Variants in KHDRBS2 observed in about 807,000 individuals in gnomAD.
KHDRBS2 encodes the protein KH domain-containing, RNA-binding, signal transduction-associated protein 2.
Under a neutral mutation model 44.3 loss-of-function variants are expected in KHDRBS2, and 26 were observed. That is an observed-to-expected ratio of 0.59 (90% confidence interval 0.43 to 0.81). The LOEUF is 0.81. Among genes scored for constraint, KHDRBS2 ranks in the 40% least tolerant of loss-of-function variants. KHDRBS2 has a pLI of 0.00. For missense variants in KHDRBS2, 476 were observed against 433.1 expected (o/e 1.10, Z -0.88); for synonymous variants, 194 against 151.1 (o/e 1.28, Z -2.08).
intron 1 of KHDRBS2, among the ~76,000 whole-genome samples, chr6:62,184,528 TG>T (rs1404620610): frequency 6.6e-6 from 1 of 151,688 alleles, no homozygotes; most frequent in African/African-American, 2.4e-5. Flanking sequence ...ATGTAAAAAT[TG>T]AGGAGTCCTT....
At chr6:61,586,096 C>G in the KHDRBS2 span, among the ~76,000 whole-genome samples, 1 of 152,164 alleles carries the variant, frequency 6.6e-6, no homozygotes, top group Non-Finnish European at 1.5e-5. Context: ...ACTTCTAAAT[C>G]AAGCCTTGCC....
chr6:61,565,245 C>T, the KHDRBS2 span, among the ~76,000 whole-genome samples: 6 of 152,032 alleles, frequency 3.9e-5, no homozygotes, highest in African/African-American at 1.4e-4. Flanking sequence ...ATGCTTAGGA[C>T]ATTGATGTGG....
At chr6:61,578,898 C>T in the KHDRBS2 span, among the ~76,000 whole-genome samples, 5 of 152,226 alleles carry the variant, frequency 3.3e-5, no homozygotes, top group East Asian at 7.7e-4. Flanking sequence ...ATATCTTATA[C>T]TTTCCATGGG....
At chr6:61,941,314 A>G (rs948143668) in intron 4 of KHDRBS2, among the ~76,000 whole-genome samples, 1 of 152,176 alleles carries the variant, frequency 6.6e-6, no homozygotes, top group Admixed American at 6.5e-5. Flanking sequence ...CACAGCACTC[A>G]GAATTCAGAG....
Position 62,261,635 on chromosome 6 carries a change from T to C in KHDRBS2, c.91+24223A>G, listed in dbSNP as rs368625080. ...CTACAGAAGGAAGAAGTAATGTCTT[T>C]TGTTACCATTTTAGGTAAATCAAAT... On this transcript the variant is annotated intron_variant, in intron 1 of 8. Transcript: ENST00000281156. Among the ~76,000 whole-genome samples, 104 of 151,958 alleles carry C rather than the reference T, an allele frequency of 6.8e-4. 1 individual carries two copies. Among genetic ancestry groups the C allele is most frequent in the African/African-American group, 2.4e-3 (100 of 41,538 alleles).
chr6:61,977,687 A>G lies in KHDRBS2; in HGVS notation c.483+379T>C, dbSNP rs1304931173. Reference sequence around the variant, plus strand: ...TCTGATCTCTTTCCCTTTCCACTACACCAGGAAATAATTTCCCTATTAATT... The same window carrying G: ...TCTGATCTCTTTCCCTTTCCACTACGCCAGGAAATAATTTCCCTATTAATT... On this transcript the variant is annotated intron_variant, in intron 4 of 8. Coordinates refer to ENST00000281156, the MANE Select transcript of KHDRBS2 (RefSeq NM_152688.4). 3.3e-5 allele frequency among the ~76,000 whole-genome samples: 5 copies of G among 152,124 alleles called. No homozygotes were observed. The East Asian group carries it at 9.6e-4, about 29-fold the overall frequency.
At chr6:62,277,666 A>G (rs1226024004) in intron 1 of KHDRBS2, among the ~76,000 whole-genome samples, 1 of 152,040 alleles carries the variant, frequency 6.6e-6, no homozygotes, top group Admixed American at 6.6e-5. Flanking sequence ...AACAACACAC[A>G]TTCAAGGGCA....
At chr6:61,901,698 T>C (rs893657424) in intron 4 of KHDRBS2, among the ~76,000 whole-genome samples, 2 of 152,170 alleles carry the variant, frequency 1.3e-5, no homozygotes, top group Non-Finnish European at 2.9e-5. Context: ...GTGCTAAAGT[T>C]ATGATTGTTA....
chr6:61,548,174 A>G, the KHDRBS2 span, among the ~76,000 whole-genome samples: 1 of 152,176 alleles, frequency 6.6e-6, no homozygotes, highest in African/African-American at 2.4e-5. Context: ...ACATAGAAAT[A>G]TTTCAGTATT....
the KHDRBS2 span, among the ~76,000 whole-genome samples, chr6:61,579,193 A>G: frequency 2.0e-5 from 3 of 152,080 alleles, no homozygotes; most frequent in Non-Finnish European, 4.4e-5. Flanking sequence ...TAGGATCTTT[A>G]TTCTGTGCCC....
chr6:61,625,018 G>A, the KHDRBS2 span, among the ~76,000 whole-genome samples: 1 of 152,088 alleles, frequency 6.6e-6, no homozygotes, highest in Non-Finnish European at 1.5e-5. Flanking sequence ...AGGAGAAATT[G>A]AACCTGATCT....
At chr6:61,704,713 T>A (rs1769215806) in intron 7 of KHDRBS2, among the ~76,000 whole-genome samples, 1 of 151,616 alleles carries the variant, frequency 6.6e-6, no homozygotes, top group Non-Finnish European at 1.5e-5. Flanking sequence ...GTGTCTTTCC[T>A]TTTTGATGCC....
intron 7 of KHDRBS2, among the ~76,000 whole-genome samples, chr6:61,708,224 C>A (rs1349527229): frequency 6.6e-6 from 1 of 151,522 alleles, no homozygotes; most frequent in African/African-American, 2.4e-5. Flanking sequence ...ACCACATCAA[C>A]CCTTTAAACT....
intron 6 of KHDRBS2, among the ~76,000 whole-genome samples, chr6:61,733,280 G>A (rs1406141071): frequency 6.6e-6 from 1 of 152,072 alleles, no homozygotes; most frequent in Non-Finnish European, 1.5e-5. Context: ...GAACTAAAAA[G>A]GAAAGAAGGA....
At position 61,773,933 on chromosome 6, in the gene KHDRBS2, T is replaced by G. The variant is rs571304998; in HGVS notation, c.811-41169A>C. On this transcript the variant is annotated intron_variant, in intron 6 of 8. Transcript: ENST00000281156. ...CCCCATTGCTTGTTTTTCTCAGGTT[T>G]GTCAAAGATCAGATAGTTGTAGATA... 4.6e-4 allele frequency among the ~76,000 whole-genome samples: 70 copies of G among 152,214 alleles called. 1 individual carries two copies. The highest frequency in any genetic ancestry group is 1.6e-3 in the African/African-American group (65 of 41,530).
chr6:62,065,605 T>G (rs34343169), intron 2 of KHDRBS2, among the ~76,000 whole-genome samples: 5 of 118,042 alleles, frequency 4.2e-5, no homozygotes, highest in South Asian at 2.9e-4. Flanking sequence ...GACACAGGAA[T>G]GGGAATATCA....
chr6:62,011,112 C>T (rs1482760214), intron 3 of KHDRBS2, among the ~76,000 whole-genome samples: 1 of 151,532 alleles, frequency 6.6e-6, no homozygotes, highest in Non-Finnish European at 1.5e-5. Context: ...ATATATATGT[C>T]TAAAAACGTA....
chr6:62,015,291 C>A (rs1284997004), intron 3 of KHDRBS2, among the ~76,000 whole-genome samples: 1 of 152,044 alleles, frequency 6.6e-6, no homozygotes, highest in Non-Finnish European at 1.5e-5. Flanking sequence ...ACACTGAAGT[C>A]TAATAATGTT....
At chr6:61,858,223 AT>A (rs1290683543) in intron 6 of KHDRBS2, among the ~76,000 whole-genome samples, 1 of 151,154 alleles carries the variant, frequency 6.6e-6, no homozygotes, top group African/African-American at 2.4e-5. Flanking sequence ...GAGACTTAAT[AT>A]TTTAAGAATC....
Sources: allele counts gnomAD v4.1 joint callset (sites outside exome capture counted in the v4.1 genomes callset), GRCh38; gene constraint gnomAD v4.1.1; transcripts MANE v1.5; gene names NCBI Gene and HGNC (gene_info 2026-07-23, HGNC 2026-07-21).